The following GK variants were observed in gnomAD, a reference collection of about 807,000 sequenced individuals.
The protein encoded by GK is glycerol kinase.
A neutral mutation model predicts 56.4 loss-of-function variants in GK; 9 were observed. That is an observed-to-expected ratio of 0.16 (90% CI 0.10 to 0.28). The LOEUF (loss-of-function observed/expected upper bound fraction) is 0.28. Ranked by LOEUF, GK falls within the 10% of genes least tolerant of loss-of-function variation. The pLI, the probability that GK is intolerant of heterozygous loss-of-function variation, is 1.00. For missense variants in GK, 161 were observed against 431.4 expected (o/e 0.37, Z 5.55); for synonymous variants, 104 against 144.1 (o/e 0.72, Z 1.99).
chrX:30,685,050 C>A (rs1042153129), intron 4 of GK, among the ~76,000 whole-genome samples: 1 of 112,295 alleles, frequency 8.9e-6, no homozygotes, highest in Non-Finnish European at 1.9e-5. Context: ...AAAGAATCAG[C>A]AGAAAAGAAA....
chrX:30,695,931 G>A (rs1935215177), intron 6 of GK, 111 bp from the exon 7 acceptor site: 1 of 518,027 alleles, frequency 1.9e-6, no homozygotes, highest in Non-Finnish European at 3.5e-6. Context: ...GTAAAAAAAT[G>A]TAATGTTCCG....
At chrX:30,719,582 A>T in intron 15 of GK, 67 bp downstream of exon 15, 1 of 606,157 alleles carries the variant, frequency 1.6e-6, no homozygotes, top group Non-Finnish European at 2.8e-6. Flanking sequence ...TTAATAACTT[A>T]TTAGTTTCTT....
intron 3 of GK, among the ~76,000 whole-genome samples, chrX:30,676,943 GCACACA>G (rs368680762): frequency 1.8e-5 from 2 of 108,551 alleles, no homozygotes; most frequent in Non-Finnish European, 3.8e-5. Flanking sequence ...ATGTACATGT[GCACACA>G]CACACACACA....
chrX:30,667,530 G>GA (rs1273151558), intron 2 of GK, among the ~76,000 whole-genome samples: 13 of 111,471 alleles, frequency 1.2e-4, no homozygotes, highest in Non-Finnish European at 2.3e-4. Context: ...AACATTTTGG[G>GA]AAAAAAGTAG....
At position 30,708,071 on chromosome X, in the gene GK, T is replaced by C. The variant is rs141460778; in HGVS notation, c.912T>C (p.His304=). The change falls in exon 13 of 21, where the codon CAT becomes CAC. Residue 304 remains histidine, a synonymous_variant. Transcript: ENST00000427190. The part of the protein sequence containing the change: ...NTGHKCVFSD[H]GLLTTVAYKL... ...TCTTACAGTGTGTATTTTCTGATCA[T>C]GGCCTTCTCACCACAGTGGCTTACA... 1.9e-5 allele frequency: 22 copies of C among 1,159,024 alleles called. No individual in the cohort carries two copies. Among genetic ancestry groups the C allele is most frequent in the African/African-American group, 1.2e-4 (7 of 56,185 alleles).
intron 1 of GK, among the ~76,000 whole-genome samples, chrX:30,660,655 T>C (rs1207141480): frequency 9.1e-6 from 1 of 110,397 alleles, no homozygotes; most frequent in Non-Finnish European, 1.9e-5. Context: ...GTCAAATAGC[T>C]GATGTGGGCA....
intron 2 of GK, among the ~76,000 whole-genome samples, chrX:30,666,786 A>G (rs1454638267): frequency 2.7e-5 from 3 of 112,213 alleles, no homozygotes; most frequent in Non-Finnish European, 3.8e-5. Context: ...ACCCAGTGCA[A>G]TTTGTAAAGA....
chrX:30,716,573 A>C (rs1936634825), intron 13 of GK, among the ~76,000 whole-genome samples: 1 of 112,264 alleles, frequency 8.9e-6, no homozygotes. Context: ...TATAAATTAC[A>C]TATGTGACTC....
At chrX:30,728,289 A>C (rs1025556937) in intron 20 of GK, among the ~76,000 whole-genome samples, 108 of 111,053 alleles carry the variant, frequency 9.7e-4, no homozygotes, top group African/African-American at 3.4e-3. Context: ...TACTGGCTTA[A>C]ATGGAAATGA....
intron 6 of GK, 131 bp from the exon 7 acceptor site, chrX:30,695,911 A>G (rs1935213698): frequency 2.0e-6 from 1 of 501,496 alleles, no homozygotes; most frequent in East Asian, 3.7e-5. Context: ...CTTAGTACAG[A>G]AAAAAGAAGG....
intron 1 of GK, among the ~76,000 whole-genome samples, chrX:30,656,354 T>A (rs954377134): frequency 8.9e-6 from 1 of 112,456 alleles, no homozygotes; most frequent in South Asian, 3.6e-4. Context: ...TAATTTCCTA[T>A]TATTCATTAA....
At chrX:30,702,146 T>C (rs1177213442) in intron 11 of GK, among the ~76,000 whole-genome samples, 1 of 110,608 alleles carries the variant, frequency 9.0e-6, no homozygotes, top group Non-Finnish European at 1.9e-5. Context: ...AAGTTCAAGC[T>C]ATTCTCCTGC....
At chrX:30,658,300 T>TA (rs769056139) in intron 1 of GK, among the ~76,000 whole-genome samples, 35 of 111,797 alleles carry the variant, frequency 3.1e-4, no homozygotes, top group Non-Finnish European at 6.2e-4. Context: ...TTGTGATAAG[T>TA]AGAGTTGTGA....
intron 3 of GK, among the ~76,000 whole-genome samples, chrX:30,673,367 A>G (rs1028920543): frequency 2.7e-5 from 3 of 112,402 alleles, no homozygotes; most frequent in African/African-American, 9.7e-5. Flanking sequence ...TAAAACCTGA[A>G]TGTGTTATTC....
At chrX:30,689,354 C>T (rs913895448) in intron 4 of GK, 1 of 269,638 alleles carries the variant, frequency 3.7e-6, no homozygotes, top group African/African-American at 2.8e-5. Flanking sequence ...GAGATCTTGC[C>T]ACCTCCATGA....
intron 18 of GK, chrX:30,723,611 T>TTTTG (rs201175614): frequency 0.011 from 1,731 of 150,722 alleles, 20 homozygotes; most frequent in Non-Finnish European, 0.017. Flanking sequence ...CCTATCCTGT[T>TTTTG]TTTGTTTGTT....
intron 19 of GK, among the ~76,000 whole-genome samples, chrX:30,725,195 T>C (rs1937082860): frequency 9.0e-6 from 1 of 111,425 alleles, no homozygotes; most frequent in South Asian, 3.8e-4. Context: ...AGCATATACT[T>C]TAATGGGGAA....
chrX:30,709,015 C>T (rs1449085380), intron 13 of GK, among the ~76,000 whole-genome samples: 2 of 111,573 alleles, frequency 1.8e-5, no homozygotes, highest in Non-Finnish European at 3.8e-5. Context: ...TATTTCTCCC[C>T]AGCTCCTTTT....
At chrX:30,698,815 G>C (rs1440101898) in intron 9 of GK, among the ~76,000 whole-genome samples, 1 of 96,962 alleles carries the variant, frequency 1.0e-5, no homozygotes, top group Non-Finnish European at 2.0e-5. Flanking sequence ...GTGGTGAGCC[G>C]AGATGGTGCC....
Sources: allele counts gnomAD v4.1 joint callset (sites outside exome capture counted in the v4.1 genomes callset), GRCh38; gene constraint gnomAD v4.1.1; transcripts MANE v1.5; gene names NCBI Gene and HGNC (gene_info 2026-07-23, HGNC 2026-07-21).